Variants in NME8 observed in about 807,000 individuals in gnomAD.
NME8 encodes the protein NME/NM23 family member 8, also known as protein NME8.
In NME8, 72 loss-of-function variants were observed where a neutral mutation model predicts 82.3. The observed-to-expected ratio is 0.87, with a 90% CI of 0.72 to 1.06. The LOEUF (loss-of-function observed/expected upper bound fraction) is 1.06, where lower values mean the gene tolerates loss of function less well. Ranked by LOEUF, NME8 falls within the 50% of genes least tolerant of loss-of-function variation. NME8 has a pLI of 0.00. For synonymous variants in NME8, 267 were observed against 228.5 expected, an observed-to-expected ratio of 1.17 and a Z score of -1.52; for missense variants, 712 against 685.4, an observed-to-expected ratio of 1.04 and a Z score of -0.43.
In NME8 at chr7:37,853,704, G is replaced by A. The variant is rs573882170; in HGVS notation, c.198+2969G>A. Reference sequence around the variant, plus strand: ...CAGCAATGGAGGGATGCCCTCTGCCGGACATATTGTTTTCTGCTGTTAATC... The same window carrying A: ...CAGCAATGGAGGGATGCCCTCTGCCAGACATATTGTTTTCTGCTGTTAATC... On this transcript the variant is annotated intron_variant, in intron 5 of 17. Transcript: ENST00000199447. 3.9e-5 allele frequency among the ~76,000 whole-genome samples: 6 copies of A among 152,102 alleles called. No individual in the cohort carries two copies. The East Asian group carries it at 7.7e-4, about 20-fold the overall frequency.
intron 17 of NME8, 76 bp downstream of exon 17, chr7:37,897,183 A>G (rs1188616520): frequency 1.1e-6 from 1 of 909,940 alleles, no homozygotes; most frequent in East Asian, 2.6e-5. Flanking sequence ...CCTGTCCTAA[A>G]AAGAGAAGAA....
At chr7:37,851,352 A>G (rs1297429263) in intron 5 of NME8, among the ~76,000 whole-genome samples, 2 of 152,214 alleles carry the variant, frequency 1.3e-5, no homozygotes, top group African/African-American at 4.8e-5. Flanking sequence ...ATGAATTTAA[A>G]TCTGGATTTT....
intron 5 of NME8, among the ~76,000 whole-genome samples, chr7:37,857,003 A>G (rs1434239283): frequency 2.0e-5 from 3 of 152,186 alleles, no homozygotes; most frequent in Non-Finnish European, 2.9e-5. Flanking sequence ...GGACAGTAAA[A>G]GAAGGGCAGG....
intron 6 of NME8, among the ~76,000 whole-genome samples, chr7:37,858,295 A>C (rs1784542670): frequency 6.6e-6 from 1 of 152,180 alleles, no homozygotes; most frequent in Non-Finnish European, 1.5e-5. Flanking sequence ...TCTTGGATAT[A>C]ACTTTTTTCT....
intron 15 of NME8, among the ~76,000 whole-genome samples, chr7:37,893,827 C>T (rs1257966480): frequency 6.6e-6 from 1 of 152,152 alleles, no homozygotes; most frequent in East Asian, 1.9e-4. Flanking sequence ...AGGGCAGATC[C>T]TGGCCACCTC....
chr7:37,887,177 T>C (rs950189323), intron 14 of NME8, among the ~76,000 whole-genome samples: 33 of 152,170 alleles, frequency 2.2e-4, no homozygotes, highest in Admixed American at 9.2e-4. Flanking sequence ...ATTCAAGAGA[T>C]GCATGCTTAT....
intron 12 of NME8, among the ~76,000 whole-genome samples, chr7:37,879,328 G>T (rs564691086): frequency 1.3e-5 from 2 of 151,868 alleles, no homozygotes; most frequent in African/African-American, 4.8e-5. Context: ...TGTATTTTTA[G>T]TAGAGAGGGG....
chr7:37,891,791 CA>C (rs567156140), intron 15 of NME8, among the ~76,000 whole-genome samples: 9 of 151,826 alleles, frequency 5.9e-5, no homozygotes, highest in Non-Finnish European at 1.2e-4. Context: ...AACACAACAA[CA>C]AAAAAAGTTG....
intron 7 of NME8, 80 bp downstream of exon 7, chr7:37,862,224 A>G (rs1191487028): frequency 4.4e-6 from 4 of 902,856 alleles, no homozygotes; most frequent in African/African-American, 1.6e-5. Context: ...TACTGGTGCT[A>G]GGTACCTCTA....
intron 6 of NME8, among the ~76,000 whole-genome samples, chr7:37,858,665 T>G (rs1203994670): frequency 6.6e-6 from 1 of 152,094 alleles, no homozygotes; most frequent in African/African-American, 2.4e-5. Context: ...GAGGAGGCTT[T>G]AGCTGCACGT....
chr7:37,886,907 T>C (rs1785049447), intron 14 of NME8, among the ~76,000 whole-genome samples: 1 of 150,944 alleles, frequency 6.6e-6, no homozygotes, highest in African/African-American at 2.4e-5. Flanking sequence ...AATGAGTCAT[T>C]GAGACTAGAG....
chr7:37,858,498 G>A (rs918209676), intron 6 of NME8, among the ~76,000 whole-genome samples: 17 of 152,026 alleles, frequency 1.1e-4, no homozygotes, highest in African/African-American at 3.9e-4. Flanking sequence ...TTTTTGTAAA[G>A]GGCCAGGGAG....
At chr7:37,864,299 C>G in intron 8 of NME8, 49 bp from the exon 9 acceptor site, 1 of 1,555,982 alleles carries the variant, frequency 6.4e-7, no homozygotes, top group Non-Finnish European at 8.8e-7. Context: ...ATTATCCAGA[C>G]TTCGTGCCAA....
At chr7:37,863,139 T>A (rs989055328) in intron 7 of NME8, among the ~76,000 whole-genome samples, 4 of 152,014 alleles carry the variant, frequency 2.6e-5, no homozygotes, top group Non-Finnish European at 5.9e-5. Flanking sequence ...TTAAAAAAAA[T>A]TTAAAAAATT....
intron 12 of NME8, among the ~76,000 whole-genome samples, chr7:37,881,400 A>C (rs558105232): frequency 6.6e-6 from 1 of 152,260 alleles, no homozygotes; most frequent in South Asian, 2.1e-4. Flanking sequence ...ATTTTTCTGC[A>C]TCTACTAACA....
chr7:37,885,087 A>G, intron 13 of NME8, 58 bp from the exon 14 acceptor site: 3 of 1,022,228 alleles, frequency 2.9e-6, no homozygotes, highest in African/African-American at 1.6e-5. Flanking sequence ...TTGCCTATAC[A>G]TAATTAGCTA....
chr7:37,859,987 G>A lies in NME8; in HGVS notation c.271-2041G>A, dbSNP rs150536067. Among the ~76,000 whole-genome samples the A allele has an allele frequency of 2.6e-5, 4 of 152,232 alleles. No homozygotes were observed. The East Asian group carries it at 7.7e-4, about 29-fold the overall frequency. ...ATTCCCTCAATGTCCCTTTGTACGGGTCAGCATTTTTAGCTGACAACAGAT... is the reference window on the plus strand; with the variant it reads ...ATTCCCTCAATGTCCCTTTGTACGGATCAGCATTTTTAGCTGACAACAGAT... On this transcript the variant is annotated intron_variant, in intron 6 of 17. Coordinates refer to ENST00000199447, the MANE Select transcript of NME8 (RefSeq NM_016616.5).
At chr7:37,862,604 C>G (rs1489217362) in intron 7 of NME8, among the ~76,000 whole-genome samples, 1 of 151,400 alleles carries the variant, frequency 6.6e-6, no homozygotes, top group Non-Finnish European at 1.5e-5. Context: ...AAATCTGGTA[C>G]TTTGCTCTTT....
intron 5 of NME8, among the ~76,000 whole-genome samples, chr7:37,855,490 C>T (rs186222269): frequency 4.8e-5 from 7 of 144,750 alleles, no homozygotes; most frequent in East Asian, 2.0e-4. Flanking sequence ...TACTAAATAA[C>T]GAACTTTGCG....
Sources: gnomAD v4.1 joint callset for allele counts (sites outside exome capture counted in the v4.1 genomes callset) on GRCh38, gnomAD v4.1.1 for gene constraint, MANE v1.5 for transcripts, NCBI Gene and HGNC (gene_info 2026-07-23, HGNC 2026-07-21) for gene names.